The following SLC27A6 variants were observed in gnomAD, a reference collection of about 807,000 sequenced individuals.
SLC27A6 encodes solute carrier family 27 member 6.
A neutral mutation model predicts 63.9 loss-of-function variants in SLC27A6; 74 were observed. The ratio of observed to expected loss-of-function variants is 1.16; its 90% confidence interval spans 0.96 to 1.40. The LOEUF is 1.40. Ranked by LOEUF, SLC27A6 falls within the 40% of genes most tolerant of loss-of-function variation. The pLI, the probability that SLC27A6 is intolerant of heterozygous loss-of-function variation, is 0.00. For missense variants in SLC27A6, 794 were observed against 732.9 expected (o/e 1.08, Z -0.96); for synonymous variants, 287 against 260.8 (o/e 1.10, Z -0.97).
At chr5:128,967,918 C>T (rs908747163) in intron 1 of SLC27A6, among the ~76,000 whole-genome samples, 6 of 152,090 alleles carry the variant, frequency 3.9e-5, no homozygotes, top group African/African-American at 9.7e-5. Context: ...CCACTCCCCC[C>T]ACCCCACGAC....
intron 1 of SLC27A6, among the ~76,000 whole-genome samples, chr5:128,983,537 C>T (rs1205367626): frequency 3.3e-5 from 5 of 152,008 alleles, no homozygotes; most frequent in African/African-American, 1.2e-4. Flanking sequence ...TCAGGTGATC[C>T]ACCTGCTTCG....
chr5:128,988,964 G>T (rs1750883452), intron 3 of SLC27A6, among the ~76,000 whole-genome samples: 1 of 152,092 alleles, frequency 6.6e-6, no homozygotes, highest in Non-Finnish European at 1.5e-5. Flanking sequence ...GTTTTCTGAG[G>T]ATTTGGCCAT....
intron 1 of SLC27A6, among the ~76,000 whole-genome samples, chr5:128,979,991 G>T (rs1416471140): frequency 3.9e-5 from 6 of 152,178 alleles, no homozygotes; most frequent in Non-Finnish European, 8.8e-5. Flanking sequence ...TGCCCTTTTG[G>T]GTGGGAAGAG....
chr5:129,020,643 C>T (rs1398069751), intron 5 of SLC27A6, among the ~76,000 whole-genome samples: 1 of 152,076 alleles, frequency 6.6e-6, no homozygotes, highest in Non-Finnish European at 1.5e-5. Flanking sequence ...TAACCATTTT[C>T]ATAAGCTGTT....
At chr5:128,981,762 A>G (rs1294383502) in intron 1 of SLC27A6, among the ~76,000 whole-genome samples, 1 of 151,874 alleles carries the variant, frequency 6.6e-6, no homozygotes, top group Non-Finnish European at 1.5e-5. Context: ...TCAAGACAAT[A>G]TTCAGAATTT....
chr5:129,015,109 G>A (rs768926157), intron 4 of SLC27A6, among the ~76,000 whole-genome samples: 29 of 152,170 alleles, frequency 1.9e-4, no homozygotes, highest in Non-Finnish European at 2.8e-4. Flanking sequence ...TGGTGATGAT[G>A]GAGGTAATCA....
rs375892186 is a variant in SLC27A6 at position 128,965,886 on chromosome 5, C to T, written c.-252C>T. 3.2e-5 allele frequency: 12 copies of T among 378,970 alleles called. No individual in the cohort carries two copies. Among genetic ancestry groups the T allele is most frequent in the Admixed American group, 2.5e-4 (6 of 24,018 alleles). The allele number at this position is 378,970 out of a possible 1,614,324, so 23.5% of individuals were successfully genotyped here. A position where few individuals can be genotyped will look rare whatever the true frequency, so the allele number is the denominator to read the frequency against. ...TGGTTTCTCGCAGGAGTCGGAGGCT[C>T]CCTGCTTTCCAGCCGCCCAGTGACC... On this transcript the variant is annotated 5_prime_UTR_variant, in exon 1 of 10. Transcript: ENST00000262462.
chr5:128,989,806 C>A (rs1750914536), intron 3 of SLC27A6, among the ~76,000 whole-genome samples: 1 of 151,874 alleles, frequency 6.6e-6, no homozygotes, highest in Non-Finnish European at 1.5e-5. Flanking sequence ...CACCTGTAGT[C>A]CCAGCTACTC....
In SLC27A6 at chr5:128,985,167, C is replaced by T. The variant is rs370684408; in HGVS notation, c.516C>T (p.Ser172=). 5.5e-5 allele frequency: 89 copies of T among 1,613,894 alleles called. No individual in the cohort carries two copies. Among genetic ancestry groups the T allele is most frequent in the Non-Finnish European group, 5.8e-5 (69 of 1,179,914 alleles). The change falls in exon 2 of 10, where the codon AGC becomes AGT. Residue 172 remains serine (S), a synonymous_variant. Coordinates refer to ENST00000262462, the MANE Select transcript of SLC27A6 (RefSeq NM_001017372.3). ...LLGTVEEILP[S]LSENISVWGM... ...GAACGGTAGAAGAAATCCTTCCAAGCCTCTCAGAAAATATCAGTGTTTGGG... is the reference window on the plus strand; with the variant it reads ...GAACGGTAGAAGAAATCCTTCCAAGTCTCTCAGAAAATATCAGTGTTTGGG...
Position 129,033,305 on chromosome 5 carries a change from A to G in SLC27A6, c.*23A>G, listed in dbSNP as rs756105415. 1.4e-6 allele frequency: 2 copies of G among 1,441,168 alleles called. No homozygotes were observed. Among genetic ancestry groups the G allele is most frequent in the Admixed American group, 2.1e-5 (1 of 47,674 alleles). The allele number at this position is 1,441,168 out of a possible 1,614,324, so 89.3% of individuals were successfully genotyped here. A position where few individuals can be genotyped will look rare whatever the true frequency, so the allele number is the denominator to read the frequency against. On this transcript the variant is annotated 3_prime_UTR_variant, in exon 10 of 10. Coordinates refer to ENST00000262462, the MANE Select transcript of SLC27A6 (RefSeq NM_001017372.3). ...TAAGATTTTTATATCTAGAACTTTC[A>G]TATGCTTTCTTAGGAAGAGTGAGAG...
intron 1 of SLC27A6, among the ~76,000 whole-genome samples, chr5:128,974,894 A>T (rs1476144665): frequency 6.6e-6 from 1 of 152,244 alleles, no homozygotes; most frequent in African/African-American, 2.4e-5. Context: ...GGTATGTACT[A>T]AGTAGATCTT....
chr5:129,025,951 C>T (rs1170987038), intron 6 of SLC27A6, among the ~76,000 whole-genome samples: 1 of 152,064 alleles, frequency 6.6e-6, no homozygotes, highest in Non-Finnish European at 1.5e-5. Context: ...GCTGGGCAAC[C>T]TGGTGAGACC....
At chr5:129,006,071 G>GTTTTCTTTTTTTT (rs1751514127) in intron 4 of SLC27A6, among the ~76,000 whole-genome samples, 1 of 60,148 alleles carries the variant, frequency 1.7e-5, no homozygotes, top group African/African-American at 8.3e-5. Flanking sequence ...TGTGCACACT[G>GTTTTCTTTTTTTT]TTTTTTTTTT....
At position 128,966,028 on chromosome 5, in the gene SLC27A6, T is replaced by A; in HGVS notation, c.-110T>A. 1 of 1,285,612 alleles carries A rather than the reference T, an allele frequency of 7.8e-7. No homozygotes were observed. The highest frequency in any genetic ancestry group is 1.0e-6 in the Non-Finnish European group (1 of 960,142). 79.6% of individuals were successfully genotyped at this position (1,285,612 alleles called of 1,614,324 possible). On this transcript the variant is annotated 5_prime_UTR_variant, in exon 1 of 10. Transcript: ENST00000262462. ...CGGAAAAGCTGACAAGAACTTCAGGTGTAAGCCCTGAGTAGTGAGGATCTG... is the reference window on the plus strand; with the variant it reads ...CGGAAAAGCTGACAAGAACTTCAGGAGTAAGCCCTGAGTAGTGAGGATCTG...
At chr5:128,972,882 TG>T (rs1750233422) in intron 1 of SLC27A6, among the ~76,000 whole-genome samples, 1 of 152,254 alleles carries the variant, frequency 6.6e-6, no homozygotes, top group Non-Finnish European at 1.5e-5. Context: ...TTTTCTGCTC[TG>T]GTTTCCTATC....
At chr5:129,018,125 T>A (rs894636649) in intron 5 of SLC27A6, among the ~76,000 whole-genome samples, 15 of 152,126 alleles carry the variant, frequency 9.9e-5, no homozygotes, top group African/African-American at 3.6e-4. Context: ...AGCATTGCTT[T>A]TGACATTTCC....
At chr5:129,023,795 G>C (rs577098534) in intron 6 of SLC27A6, 85 bp downstream of exon 6, 3 of 966,336 alleles carry the variant, frequency 3.1e-6, no homozygotes, top group Admixed American at 4.5e-5. Context: ...TTGGGGGATT[G>C]GTTCCAGGAC....
chr5:129,028,485 A>G, intron 8 of SLC27A6, 43 bp downstream of exon 8: 2 of 1,138,724 alleles, frequency 1.8e-6, no homozygotes, highest in South Asian at 2.6e-5. Flanking sequence ...TTAGAATAGA[A>G]TTGCCACTAT....
At chr5:128,982,580 T>C (rs2150132808) in intron 1 of SLC27A6, among the ~76,000 whole-genome samples, 1 of 152,330 alleles carries the variant, frequency 6.6e-6, no homozygotes, top group Non-Finnish European at 1.5e-5. Context: ...GAAATTAAAG[T>C]AATGAGTCAG....
Sources: gnomAD v4.1 joint callset for allele counts (sites outside exome capture counted in the v4.1 genomes callset) on GRCh38, gnomAD v4.1.1 for gene constraint, MANE v1.5 for transcripts, NCBI Gene and HGNC (gene_info 2026-07-23, HGNC 2026-07-21) for gene names.